The following REV3L variants were observed in gnomAD, a reference collection of about 807,000 sequenced individuals.
REV3L encodes DNA polymerase zeta catalytic subunit.
A neutral mutation model predicts 299.4 loss-of-function variants in REV3L; 69 were observed. The observed-to-expected ratio is 0.23, with a 90% confidence interval of 0.19 to 0.28. REV3L has a LOEUF of 0.28. Ranked by LOEUF, REV3L falls within the 10% of genes least tolerant of loss-of-function variation. The pLI, the probability that REV3L is intolerant of heterozygous loss-of-function variation, is 1.00. For synonymous variants in REV3L, 1,238 were observed against 1,271.4 expected, an observed-to-expected ratio of 0.97 and a Z score of 0.56; for missense variants, 3,128 against 3,693.8, an observed-to-expected ratio of 0.85 and a Z score of 3.97.
At chr6:111,426,888 G>A (rs935256465) in intron 1 of REV3L, among the ~76,000 whole-genome samples, 1 of 152,122 alleles carries the variant, frequency 6.6e-6, no homozygotes, top group Non-Finnish European at 1.5e-5. Context: ...GCACCTTTCA[G>A]ACTAAACGTC....
intron 21 of REV3L, among the ~76,000 whole-genome samples, chr6:111,336,891 T>G (rs2114860997): frequency 6.6e-6 from 1 of 152,320 alleles, no homozygotes; most frequent in Admixed American, 6.5e-5. Flanking sequence ...TGGACAGCAT[T>G]ATGCTAAAAG....
intron 20 of REV3L, among the ~76,000 whole-genome samples, chr6:111,348,530 T>C (rs1777252359): frequency 6.6e-6 from 1 of 152,222 alleles, no homozygotes; most frequent in South Asian, 2.1e-4. Flanking sequence ...ATTTCTAGAC[T>C]AAATTTTTCT....
In REV3L at chr6:111,410,659, G is replaced by C. The variant is rs56380949; in HGVS notation, c.404+821C>G. The stretch of plus-strand genomic sequence containing the variant: ...TCAGTTACAAGGGAATAACCATTGG[G>C]AATAGAGCTGTGCTTCAGTGAAGTA... On this transcript the variant is annotated intron_variant, in intron 3 of 31. Transcript: ENST00000368802. Among the ~76,000 whole-genome samples, 247 of 152,322 alleles carry C rather than the reference G, an allele frequency of 1.6e-3. 4 individuals are homozygous for C. Among genetic ancestry groups the C allele is most frequent in the African/African-American group, 5.4e-3 (223 of 41,572 alleles).
At chr6:111,370,103 T>C (rs1170901933) in intron 13 of REV3L, among the ~76,000 whole-genome samples, 1 of 152,196 alleles carries the variant, frequency 6.6e-6, no homozygotes, top group Non-Finnish European at 1.5e-5. Flanking sequence ...AGTGCTGGGA[T>C]TACAGGCGTG....
chr6:111,307,753 G>C, intron 30 of REV3L, 183 bp from the exon 31 acceptor site: 3 of 586,966 alleles, frequency 5.1e-6, no homozygotes, highest in Non-Finnish European at 9.0e-6. Context: ...AATGAATGAA[G>C]TCCTTGCCTT....
chr6:111,424,265 T>C (rs1562291005), intron 1 of REV3L, among the ~76,000 whole-genome samples: 1 of 152,136 alleles, frequency 6.6e-6, no homozygotes, highest in Non-Finnish European at 1.5e-5. Context: ...AGTGGAAATA[T>C]AAGAGATAGG....
chr6:111,444,213 T>C (rs745503789), intron 1 of REV3L, among the ~76,000 whole-genome samples: 1 of 152,190 alleles, frequency 6.6e-6, no homozygotes, highest in Non-Finnish European at 1.5e-5. Context: ...CATTGCATAG[T>C]GCTAGACCAA....
chr6:111,396,604 T>G (rs1043765888), intron 4 of REV3L, among the ~76,000 whole-genome samples: 2 of 152,182 alleles, frequency 1.3e-5, no homozygotes, highest in African/African-American at 4.8e-5. Context: ...GATTCAGCAG[T>G]AAAGCCATCC....
intron 3 of REV3L, among the ~76,000 whole-genome samples, chr6:111,409,603 C>A (rs1169662620): frequency 1.3e-5 from 2 of 152,122 alleles, no homozygotes; most frequent in African/African-American, 4.8e-5. Flanking sequence ...ACTTTGAAAA[C>A]CACCTCTCTA....
At chr6:111,357,669 G>T (rs954032562) in intron 17 of REV3L, among the ~76,000 whole-genome samples, 2 of 151,942 alleles carry the variant, frequency 1.3e-5, no homozygotes, top group African/African-American at 4.8e-5. Flanking sequence ...CTCCAACCTG[G>T]GCAACAGAGC....
chr6:111,369,164 G>A (rs975532955), intron 13 of REV3L, among the ~76,000 whole-genome samples: 1 of 151,606 alleles, frequency 6.6e-6, no homozygotes, highest in Non-Finnish European at 1.5e-5. Context: ...AATAAAAAAT[G>A]GTGAGGTGTC....
intron 25 of REV3L, among the ~76,000 whole-genome samples, chr6:111,324,871 T>C (rs1774573715): frequency 6.6e-6 from 1 of 152,094 alleles, no homozygotes; most frequent in African/African-American, 2.4e-5. Flanking sequence ...AAAGTCTTTT[T>C]TTTTTTTTGA....
At chr6:111,357,467 C>T (rs1037217005) in intron 17 of REV3L, among the ~76,000 whole-genome samples, 2 of 152,026 alleles carry the variant, frequency 1.3e-5, no homozygotes, top group East Asian at 3.9e-4. Flanking sequence ...CCGAGGCAGG[C>T]GGATCACGAG....
intron 3 of REV3L, among the ~76,000 whole-genome samples, chr6:111,406,543 T>C (rs1055774987): frequency 2.0e-5 from 3 of 152,068 alleles, no homozygotes; most frequent in East Asian, 1.9e-4. Flanking sequence ...ACAAGGATCA[T>C]AGAAATGTAC....
chr6:111,452,097 C>A (rs1789613356), intron 1 of REV3L, among the ~76,000 whole-genome samples: 2 of 150,290 alleles, frequency 1.3e-5, no homozygotes, highest in African/African-American at 5.0e-5. Context: ...CAAATATGCA[C>A]ACTAAAAGAT....
At chr6:111,380,771 A>C (rs756627339) in intron 10 of REV3L, among the ~76,000 whole-genome samples, 3 of 152,226 alleles carry the variant, frequency 2.0e-5, no homozygotes, top group Non-Finnish European at 4.4e-5. Flanking sequence ...GCTGCCTGGG[A>C]CTGCACAGGG....
intron 28 of REV3L, 83 bp downstream of exon 28, chr6:111,313,269 G>A (rs1054168656): frequency 8.1e-7 from 1 of 1,239,164 alleles, no homozygotes; most frequent in African/African-American, 1.5e-5. Context: ...TCACCTAGAT[G>A]CATGTTTAAG....
Position 111,377,718 on chromosome 6 carries a change from G to C in REV3L, c.1580C>G (p.Thr527Ser), listed in dbSNP as rs544780267. 1 of 1,612,808 alleles carries C rather than the reference G, an allele frequency of 6.2e-7. No individual in the cohort carries two copies. Among genetic ancestry groups the C allele is most frequent in the Admixed American group, 1.7e-5 (1 of 59,690 alleles). Residue 527 changes from threonine (T) to serine (S), a missense_variant, in exon 12 of 32, where the codon ACT becomes AGT. Coordinates refer to ENST00000368802, the MANE Select transcript of REV3L (RefSeq NM_001372078.1). ...TTACTTACCACTATTTTCATCTGCA[G>C]TTCCATCTAACTGAGGTATAGAAAG... is the stretch of plus-strand genomic sequence containing the variant. ...ASLSIPQLDG[T>S]ADENSDNPLN...
chr6:111,368,020 C>G lies in REV3L; in HGVS notation c.5768G>C (p.Gly1923Ala). 1 of 1,602,068 alleles carries G rather than the reference C, an allele frequency of 6.2e-7. No individual in the cohort carries two copies. The highest frequency in any genetic ancestry group is 8.5e-7 in the Non-Finnish European group (1 of 1,175,494). ...SDVPEKPREI[G>A]GRLLMVETRL... ...AGTTTCTACCATGAGGAGCCGTCCA[C>G]CAATCTCCCTATAATAACATATTTT... is the stretch of plus-strand genomic sequence containing the variant. Residue 1923 changes from glycine to alanine, a missense_variant, in exon 14 of 32, where the codon GGT (glycine) becomes GCT (alanine). Physicochemically the swap from Gly to Ala is moderately conservative, Grantham distance 60. Transcript: ENST00000368802.
Sources: allele counts gnomAD v4.1 joint callset (sites outside exome capture counted in the v4.1 genomes callset), GRCh38; gene constraint gnomAD v4.1.1; transcripts MANE v1.5; gene names NCBI Gene and HGNC (gene_info 2026-07-23, HGNC 2026-07-21).